Variants in CHLSN observed in about 807,000 individuals in gnomAD.
CHLSN encodes the protein protein cholesin.
At chr7:1,101,764 T>C in the CHLSN span, among the ~76,000 whole-genome samples, 1 of 152,170 alleles carries the variant, frequency 6.6e-6, no homozygotes, top group Non-Finnish European at 1.5e-5. Context: ...CTCTCTGCAA[T>C]GAGGGGCCGG....
At chr7:982,525 A>G in the CHLSN span, among the ~76,000 whole-genome samples, 1 of 152,172 alleles carries the variant, frequency 6.6e-6, no homozygotes, top group Non-Finnish European at 1.5e-5. Flanking sequence ...CAGCCCTTCC[A>G]TGTTCCTGTC....
chr7:1,009,344 G>A, the CHLSN span, among the ~76,000 whole-genome samples: 1 of 152,196 alleles, frequency 6.6e-6, no homozygotes, highest in African/African-American at 2.4e-5. Flanking sequence ...AGACGGACAG[G>A]AACGGGCAGC....
At chr7:1,135,816 A>G in the CHLSN span, among the ~76,000 whole-genome samples, 1 of 135,470 alleles carries the variant, frequency 7.4e-6, no homozygotes, top group Non-Finnish European at 1.5e-5. Flanking sequence ...ATTTATTTAT[A>G]TAAAATAAAT....
chr7:1,016,913 C>T, the CHLSN span, among the ~76,000 whole-genome samples: 2,961 of 109,932 alleles, frequency 0.027, 161 homozygotes, highest in East Asian at 0.2. Flanking sequence ...CACACGCCAG[C>T]GCACAGCAGC....
chr7:1,041,635 CAAAG>C, the CHLSN span, among the ~76,000 whole-genome samples: 2 of 152,326 alleles, frequency 1.3e-5, no homozygotes, highest in African/African-American at 2.4e-5. Context: ...CAACAGGCCA[CAAAG>C]AAAGTCACAA....
chr7:1,135,131 T>C, the CHLSN span, among the ~76,000 whole-genome samples: 689 of 152,222 alleles, frequency 4.5e-3, 2 homozygotes, highest in African/African-American at 0.016. Context: ...CTGCTTTTGC[T>C]CCCACCTCTT....
the CHLSN span, among the ~76,000 whole-genome samples, chr7:1,080,464 G>GT: frequency 6.6e-6 from 1 of 152,214 alleles, no homozygotes; most frequent in East Asian, 1.9e-4. Context: ...TGCCACCCGC[G>GT]TGACGGTCCG....
At chr7:1,039,095 TC>T in the CHLSN span, among the ~76,000 whole-genome samples, 1 of 65,628 alleles carries the variant, frequency 1.5e-5, no homozygotes, top group East Asian at 4.4e-4. Context: ...AGCTGCCCCG[TC>T]CGGGAGGTGA....
chr7:1,073,686 CCACGACCCCG>C, the CHLSN span, among the ~76,000 whole-genome samples: 1 of 142,212 alleles, frequency 7.0e-6, no homozygotes, highest in African/African-American at 2.6e-5. Context: ...GTGACGCCCC[CCACGACCCCG>C]CACCCTGCTG....
chr7:1,114,452 G>A, the CHLSN span, among the ~76,000 whole-genome samples: 1 of 152,362 alleles, frequency 6.6e-6, no homozygotes, highest in Non-Finnish European at 1.5e-5. Context: ...TGGACTCGAT[G>A]TTTAGACTCG....
At chr7:993,933 G>A in the CHLSN span, among the ~76,000 whole-genome samples, 7 of 151,772 alleles carry the variant, frequency 4.6e-5, no homozygotes, top group African/African-American at 1.4e-4. Flanking sequence ...CTCAGAGGCC[G>A]CTTCCTCAGA....
the CHLSN span, among the ~76,000 whole-genome samples, chr7:1,039,176 G>C: frequency 3.3e-5 from 1 of 30,198 alleles, no homozygotes; most frequent in Non-Finnish European, 5.9e-5. Flanking sequence ...CGCCCCGTCC[G>C]GGAGGGAGGT....
the CHLSN span, among the ~76,000 whole-genome samples, chr7:994,411 G>T: frequency 6.6e-6 from 1 of 151,716 alleles, no homozygotes; most frequent in African/African-American, 2.4e-5. Flanking sequence ...CGCCCACCTT[G>T]GCCCCCCCCA....
At chr7:1,011,221 C>T in the CHLSN span, among the ~76,000 whole-genome samples, 4 of 150,152 alleles carry the variant, frequency 2.7e-5, no homozygotes, top group Non-Finnish European at 5.9e-5. Flanking sequence ...GACACATACC[C>T]ACACCCACAG....
the CHLSN span, among the ~76,000 whole-genome samples, chr7:1,011,795 G>T: frequency 2.0e-5 from 3 of 152,182 alleles, no homozygotes; most frequent in African/African-American, 7.2e-5. Context: ...CCTGCCAGGG[G>T]TCCGCAGCAA....
At chr7:1,020,232 T>A in the CHLSN span, among the ~76,000 whole-genome samples, 1 of 152,178 alleles carries the variant, frequency 6.6e-6, no homozygotes, top group East Asian at 1.9e-4. Context: ...TCCCGTCCTG[T>A]GAACACGCGC....
the CHLSN span, chr7:984,324 C>A: frequency 1.3e-6 from 2 of 1,485,160 alleles, no homozygotes; most frequent in Non-Finnish European, 1.8e-6. Flanking sequence ...CTGTCCCCAC[C>A]CCTACCCAGC....
chr7:1,036,690 A>G, the CHLSN span, among the ~76,000 whole-genome samples: 729 of 121,776 alleles, frequency 6.0e-3, 21 homozygotes, highest in African/African-American at 0.018. Context: ...AAAAAATCCG[A>G]TAGGGGAAGA....
the CHLSN span, among the ~76,000 whole-genome samples, chr7:1,134,698 C>T: frequency 6.6e-6 from 1 of 151,512 alleles, no homozygotes; most frequent in Non-Finnish European, 1.5e-5. Context: ...GAAACCCCGT[C>T]TCTACTAAAA....
Sources: allele counts gnomAD v4.1 joint callset (sites outside exome capture counted in the v4.1 genomes callset), GRCh38; gene constraint gnomAD v4.1.1; transcripts MANE v1.5; gene names NCBI Gene and HGNC (gene_info 2026-07-23, HGNC 2026-07-21).